RPH3AL: variants seen among roughly 807,000 people sequenced by gnomAD.
The protein encoded by RPH3AL is rab effector Noc2.
RPH3AL carries 38 observed loss-of-function variants against 43.1 expected under a neutral mutation model. The ratio of observed to expected loss-of-function variants is 0.88; its 90% CI spans 0.68 to 1.15. The LOEUF (loss-of-function observed/expected upper bound fraction) is 1.15. Among genes scored for constraint, RPH3AL ranks in the 50% most tolerant of loss-of-function variants. The probability of loss-of-function intolerance (pLI) is 0.00; values close to 1 mark genes in which losing one functional copy is unlikely to be tolerated. For missense variants in RPH3AL, 462 were observed against 423.2 expected, an observed-to-expected ratio of 1.09 and a Z score of -0.81; for synonymous variants, 189 against 176.3, an observed-to-expected ratio of 1.07 and a Z score of -0.57.
At chr17:244,873 G>C (rs2041709247) in intron 7 of RPH3AL, among the ~76,000 whole-genome samples, 1 of 152,102 alleles carries the variant, frequency 6.6e-6, no homozygotes. Flanking sequence ...GTGTGCATAT[G>C]AGTGCGAGTG....
intron 5 of RPH3AL, among the ~76,000 whole-genome samples, chr17:317,766 T>C (rs1411343982): frequency 6.6e-6 from 1 of 152,216 alleles, no homozygotes; most frequent in Non-Finnish European, 1.5e-5. Context: ...TTAACTTCAC[T>C]GTACCTTTGG....
chr17:346,931 G>C (rs768325464), intron 1 of RPH3AL, among the ~76,000 whole-genome samples: 1 of 135,428 alleles, frequency 7.4e-6, no homozygotes, highest in Non-Finnish European at 1.7e-5. Context: ...ATGCTAGTGA[G>C]GATGTGCGGC....
chr17:321,301 C>G lies in RPH3AL; in HGVS notation c.192G>C (p.Arg64=). Residue 64 remains arginine, a synonymous_variant, in exon 4 of 10, where the codon CGG becomes CGC. Coordinates refer to ENST00000331302, the MANE Select transcript of RPH3AL (RefSeq NM_006987.4). The part of the protein sequence containing the change: ...AILQVIQRAE[R]LDVLEQQRIG... Reference sequence around the variant, plus strand: ...TTCTCTGCTGCTCCAGGACGTCGAGCCGCTCTGCCCTCTGGATGACCTGCA... The same window carrying G: ...TTCTCTGCTGCTCCAGGACGTCGAGGCGCTCTGCCCTCTGGATGACCTGCA... The G allele has an allele frequency of 6.2e-7, 1 of 1,610,238 alleles. No homozygotes were observed. The highest frequency in any genetic ancestry group is 8.5e-7 in the Non-Finnish European group (1 of 1,179,884).
In RPH3AL at chr17:264,175, T is replaced by C. The variant is rs1412088488; in HGVS notation, c.439-16890A>G. 6.6e-6 allele frequency among the ~76,000 whole-genome samples: 1 copy of C among 152,186 alleles called. No individual in the cohort carries two copies. The highest frequency in any genetic ancestry group is 1.9e-4 in the East Asian group (1 of 5,194). On this transcript the variant is annotated intron_variant, in intron 6 of 9. Transcript: ENST00000331302. The surrounding 1 kb of genome is among the most constrained non-coding windows in gnomAD (Gnocchi z 4.8). ...TACTGAGGTAACATACACACTTGTT[T>C]CTAGCATTGTTTTCTGCCGGAAATG... is the stretch of plus-strand genomic sequence containing the variant.
intron 7 of RPH3AL, among the ~76,000 whole-genome samples, chr17:230,842 T>TTG (rs1567567506): frequency 1.3e-4 from 20 of 151,932 alleles, no homozygotes; most frequent in East Asian, 3.9e-4. Context: ...TCCCTTGTTT[T>TTG]TTGTTGTTGT....
In RPH3AL at chr17:247,268, C is replaced by T. The variant is rs1555540523; in HGVS notation, c.456G>A (p.Gly152=). The T allele has an allele frequency of 8.8e-6, 14 of 1,591,828 alleles. No homozygotes were observed. Among genetic ancestry groups the T allele is most frequent in the Non-Finnish European group, 1.2e-5 (14 of 1,167,848 alleles). ...TGGGGAGCCCTTTGTAGAACCAGGC[C>T]CCCGACCTCTTCCAGACCTGAGTGG... The part of the protein sequence containing the change: ...SEQREVWKRS[G]AWFYKGLPKY... The change falls in exon 7 of 10, where the codon GGG becomes GGA. Residue 152 remains glycine (G), a synonymous_variant. Coordinates refer to ENST00000331302, the MANE Select transcript of RPH3AL (RefSeq NM_006987.4).
At chr17:343,154 C>G (rs2045160241) in intron 1 of RPH3AL, among the ~76,000 whole-genome samples, 1 of 152,180 alleles carries the variant, frequency 6.6e-6, no homozygotes, top group South Asian at 2.1e-4. Context: ...AAAAACACAT[C>G]CATGCCTGTT....
chr17:304,580 C>A (rs148422036), intron 5 of RPH3AL, among the ~76,000 whole-genome samples: 11 of 152,134 alleles, frequency 7.2e-5, no homozygotes, highest in Non-Finnish European at 1.0e-4. Context: ...CCCCTTCTCA[C>A]TCTGAGCAGC....
intron 1 of RPH3AL, among the ~76,000 whole-genome samples, chr17:337,775 G>GT (rs144226844): frequency 7.6e-4 from 115 of 152,170 alleles, no homozygotes; most frequent in Middle Eastern, 3.4e-3. Flanking sequence ...CTGGGCAGGG[G>GT]TTTTTTTTGT....
chr17:314,555 C>A (rs1198187053), intron 5 of RPH3AL, among the ~76,000 whole-genome samples: 1 of 144,654 alleles, frequency 6.9e-6, no homozygotes, highest in Non-Finnish European at 1.5e-5. Context: ...CCTGTAGTCT[C>A]TGTGCCCCAC....
At chr17:315,455 ACC>A (rs1478988337) in intron 5 of RPH3AL, among the ~76,000 whole-genome samples, 2 of 146,660 alleles carry the variant, frequency 1.4e-5, no homozygotes, top group African/African-American at 2.6e-5. Flanking sequence ...ACCTCCATTG[ACC>A]TGTAGTCCCT....
rs921543543 is a variant in RPH3AL at position 245,976 on chromosome 17, C to T, written c.613+1135G>A. 6.6e-6 allele frequency among the ~76,000 whole-genome samples: 1 copy of T among 152,118 alleles called. No individual in the cohort carries two copies. Among genetic ancestry groups the T allele is most frequent in the Non-Finnish European group, 1.5e-5 (1 of 68,020 alleles). On this transcript the variant is annotated intron_variant, in intron 7 of 9. Transcript: ENST00000331302. The surrounding 1 kb of genome is among the most constrained non-coding windows in gnomAD (Gnocchi z 5.9). ...CGAGGAGAGGCTGCTATGAGGGAGT[C>T]GGGGTGCTGAGGACAAAGTGCCTGC... is the stretch of plus-strand genomic sequence containing the variant.
chr17:286,683 C>T (rs548279850), intron 5 of RPH3AL, among the ~76,000 whole-genome samples: 6 of 152,292 alleles, frequency 3.9e-5, no homozygotes, highest in Non-Finnish European at 8.8e-5. Context: ...CAGCCCTTCA[C>T]GATCTGTGTC....
chr17:279,902 T>TA (rs923877080), intron 6 of RPH3AL, among the ~76,000 whole-genome samples: 1 of 152,178 alleles, frequency 6.6e-6, no homozygotes, highest in African/African-American at 2.4e-5. Flanking sequence ...TCAACAGTCT[T>TA]ACTGAATTCT....
chr17:277,007 C>A (rs1277486260), intron 6 of RPH3AL, among the ~76,000 whole-genome samples: 2 of 151,844 alleles, frequency 1.3e-5, no homozygotes, highest in Non-Finnish European at 2.9e-5. Flanking sequence ...AATTACAGAC[C>A]AGCTAATTAT....
At chr17:254,445 C>T (rs371776408) in intron 6 of RPH3AL, among the ~76,000 whole-genome samples, 4 of 13,610 alleles carry the variant, frequency 2.9e-4, no homozygotes, top group Non-Finnish European at 3.5e-4. Flanking sequence ...ATGAGGGGAG[C>T]CGCACGGCGT....
chr17:253,110 A>G (rs958127757), intron 6 of RPH3AL, among the ~76,000 whole-genome samples: 15 of 152,156 alleles, frequency 9.9e-5, no homozygotes, highest in African/African-American at 3.6e-4. Context: ...GAAGGTTCCC[A>G]GGGAACCACG....
intron 3 of RPH3AL, among the ~76,000 whole-genome samples, chr17:324,466 C>G (rs920011856): frequency 6.6e-6 from 1 of 152,154 alleles, no homozygotes; most frequent in Non-Finnish European, 1.5e-5. Context: ...GCTGCAACCT[C>G]CAGGAAGAAC....
At chr17:305,842 T>C (rs2043472705) in intron 5 of RPH3AL, among the ~76,000 whole-genome samples, 2 of 138,082 alleles carry the variant, frequency 1.4e-5, no homozygotes, top group East Asian at 2.4e-4. Context: ...CCTTTCTTCC[T>C]TCCCTCCCTC....
Sources: gnomAD v4.1 joint callset for allele counts (sites outside exome capture counted in the v4.1 genomes callset) on GRCh38, gnomAD v4.1.1 for gene constraint, Gnocchi (gnomAD v3.1) non-coding constraint, MANE v1.5 for transcripts, NCBI Gene and HGNC (gene_info 2026-07-23, HGNC 2026-07-21) for gene names.